The following RBMS3 variants were observed in gnomAD, a reference collection of about 807,000 sequenced individuals.
RBMS3 encodes the protein RNA binding motif single stranded interacting protein 3, also known as RNA-binding motif, single-stranded-interacting protein 3.
In RBMS3, 27 loss-of-function variants were observed where a neutral mutation model predicts 66.8. The ratio of observed to expected loss-of-function variants is 0.40; its 90% confidence interval spans 0.30 to 0.56. The LOEUF (loss-of-function observed/expected upper bound fraction) is 0.56. RBMS3 is among the 20% of genes least tolerant of loss of function. RBMS3 has a pLI of 0.40. For synonymous variants in RBMS3, 188 were observed against 183.0 expected (o/e 1.03, Z -0.22); for missense variants, 513 against 549.5 (o/e 0.93, Z 0.66).
chr3:30,003,926 G>T lies in RBMS3; in HGVS notation c.*64G>T, dbSNP rs983724383. On this transcript the variant is annotated 3_prime_UTR_variant, in exon 15 of 15. Coordinates refer to ENST00000383767, the MANE Select transcript of RBMS3 (RefSeq NM_001003793.3). Reference sequence around the variant, plus strand: ...ATGAAGAAACTTCATTGAACAAGAAGTTGGCTTCCAGTTTGCACAGACGTC... The same window carrying T: ...ATGAAGAAACTTCATTGAACAAGAATTTGGCTTCCAGTTTGCACAGACGTC... 1 of 1,369,748 alleles carries T rather than the reference G, an allele frequency of 7.3e-7. No homozygotes were observed. Among genetic ancestry groups the T allele is most frequent in the Non-Finnish European group, 9.7e-7 (1 of 1,032,496 alleles). 84.8% of individuals were successfully genotyped at this position (1,369,748 alleles called of 1,614,324 possible). A position where few individuals can be genotyped will look rare whatever the true frequency, so the allele number is the denominator to read the frequency against.
At chr3:29,879,799 TA>T (rs60224819) in intron 7 of RBMS3, among the ~76,000 whole-genome samples, 1,627 of 146,988 alleles carry the variant, frequency 0.011, 25 homozygotes, top group African/African-American at 0.035. Context: ...CAACAATGGT[TA>T]AAAAAAAAAA....
chr3:29,611,574 C>A (rs2048493785), intron 4 of RBMS3, among the ~76,000 whole-genome samples: 2 of 151,446 alleles, frequency 1.3e-5, no homozygotes, highest in Non-Finnish European at 2.9e-5. Flanking sequence ...GAAAAAAATG[C>A]AGGTATTGAG....
At chr3:29,607,664 C>A (rs1180629379) in intron 4 of RBMS3, among the ~76,000 whole-genome samples, 1 of 151,810 alleles carries the variant, frequency 6.6e-6, no homozygotes. Flanking sequence ...TTCCCAAATA[C>A]CTTTACTAGA....
intron 2 of RBMS3, among the ~76,000 whole-genome samples, chr3:29,462,113 T>C (rs1418017068): frequency 6.6e-6 from 1 of 151,818 alleles, no homozygotes; most frequent in African/African-American, 2.4e-5. Context: ...TAATACATGA[T>C]GAGATTGAGT....
chr3:29,326,733 C>CTTTT (rs56162153), intron 1 of RBMS3, among the ~76,000 whole-genome samples: 3 of 133,796 alleles, frequency 2.2e-5, no homozygotes, highest in Non-Finnish European at 1.6e-5. Context: ...TACTGGCATC[C>CTTTT]TTTTTTTTTT....
At chr3:29,452,265 G>A (rs772558464) in intron 2 of RBMS3, among the ~76,000 whole-genome samples, 1 of 152,120 alleles carries the variant, frequency 6.6e-6, no homozygotes, top group Non-Finnish European at 1.5e-5. Flanking sequence ...AATCCTCAGG[G>A]TGTGTGGACG....
At chr3:29,473,769 GC>G (rs1220046226) in intron 2 of RBMS3, among the ~76,000 whole-genome samples, 1 of 152,206 alleles carries the variant, frequency 6.6e-6, no homozygotes, top group Non-Finnish European at 1.5e-5. Flanking sequence ...ATTGCCCGGG[GC>G]CGGCAGGGCC....
chr3:29,361,082 C>T (rs575182377), intron 1 of RBMS3, among the ~76,000 whole-genome samples: 1 of 152,064 alleles, frequency 6.6e-6, no homozygotes, highest in African/African-American at 2.4e-5. Flanking sequence ...GAATTTGATC[C>T]TGTCATTATG....
intron 10 of RBMS3, among the ~76,000 whole-genome samples, chr3:29,901,655 C>G (rs1315044279): frequency 6.6e-6 from 1 of 151,672 alleles, no homozygotes; most frequent in Non-Finnish European, 1.5e-5. Flanking sequence ...TGTGTGTGTA[C>G]TTTAATTTGT....
chr3:29,527,279 A>ATTACAATT (rs1286428105), intron 3 of RBMS3, among the ~76,000 whole-genome samples: 1 of 151,944 alleles, frequency 6.6e-6, no homozygotes, highest in Non-Finnish European at 1.5e-5. Context: ...AAAATACAGA[A>ATTACAATT]TTACAATTTG....
chr3:29,951,172 T>C (rs1374094276), intron 12 of RBMS3, among the ~76,000 whole-genome samples: 1 of 151,848 alleles, frequency 6.6e-6, no homozygotes. Context: ...AAAAAATAAA[T>C]GAAGAAATAC....
intron 6 of RBMS3, among the ~76,000 whole-genome samples, chr3:29,839,884 A>G (rs1046180776): frequency 6.6e-6 from 1 of 152,134 alleles, no homozygotes; most frequent in East Asian, 1.9e-4. Flanking sequence ...TTGCCAAAAC[A>G]TAATATCTTC....
intron 4 of RBMS3, among the ~76,000 whole-genome samples, chr3:29,621,026 C>T (rs1002264268): frequency 3.3e-5 from 5 of 151,832 alleles, no homozygotes; most frequent in African/African-American, 1.2e-4. Context: ...TATTCCATGC[C>T]CTTAAGTCAT....
At chr3:29,582,506 T>C (rs1471263782) in intron 3 of RBMS3, among the ~76,000 whole-genome samples, 1 of 152,218 alleles carries the variant, frequency 6.6e-6, no homozygotes, top group Non-Finnish European at 1.5e-5. Flanking sequence ...GCTGCCAAGC[T>C]TAATTATGTA....
At chr3:29,496,053 G>C (rs2043735349) in intron 3 of RBMS3, among the ~76,000 whole-genome samples, 2 of 151,968 alleles carry the variant, frequency 1.3e-5, no homozygotes, top group Non-Finnish European at 2.9e-5. Context: ...TGAGTGTGAG[G>C]AATTACATTT....
chr3:29,655,224 G>GGCATTTGAATCATGTGT (rs1353350814), intron 4 of RBMS3, among the ~76,000 whole-genome samples: 3 of 152,126 alleles, frequency 2.0e-5, no homozygotes, highest in Admixed American at 1.3e-4. Context: ...AATACTAAGT[G>GGCATTTGAATCATGTGT]GCATTTGAAT....
intron 11 of RBMS3, among the ~76,000 whole-genome samples, chr3:29,942,152 C>T (rs991694045): frequency 6.6e-6 from 1 of 151,610 alleles, no homozygotes; most frequent in Non-Finnish European, 1.5e-5. Context: ...ATCCATAAAC[C>T]AGAATGTAAT....
chr3:29,633,543 A>G (rs1029284653), intron 4 of RBMS3, among the ~76,000 whole-genome samples: 1 of 151,824 alleles, frequency 6.6e-6, no homozygotes, highest in Admixed American at 6.6e-5. Context: ...TTTATCCCCA[A>G]TGTACATCAT....
chr3:29,912,074 G>A (rs873226), intron 10 of RBMS3, among the ~76,000 whole-genome samples: 5,287 of 151,922 alleles, frequency 0.035, 109 homozygotes, highest in African/African-American at 0.044. Flanking sequence ...GCAGGGATGC[G>A]GATGGATGAA....
Sources: allele counts gnomAD v4.1 joint callset (sites outside exome capture counted in the v4.1 genomes callset), GRCh38; gene constraint gnomAD v4.1.1; transcripts MANE v1.5; gene names NCBI Gene and HGNC (gene_info 2026-07-23, HGNC 2026-07-21).